The following ELAPOR2 variants were observed in gnomAD, a reference collection of about 807,000 sequenced individuals.
The protein encoded by ELAPOR2 is endosome-lysosome associated apoptosis and autophagy regulator family member 2.
Under a neutral mutation model 120.7 loss-of-function variants are expected in ELAPOR2, and 89 were observed. The ratio of observed to expected loss-of-function variants is 0.74; its 90% CI spans 0.62 to 0.88. The LOEUF is 0.88. Among genes scored for constraint, ELAPOR2 ranks in the 40% least tolerant of loss-of-function variants. ELAPOR2 has a pLI of 0.00. For synonymous variants in ELAPOR2, 444 were observed against 444.9 expected (o/e 1.00, Z 0.03); for missense variants, 1,134 against 1,251.6 (o/e 0.91, Z 1.42).
At chr7:87,007,443 A>C (rs1793520144) in intron 1 of ELAPOR2, among the ~76,000 whole-genome samples, 1 of 152,214 alleles carries the variant, frequency 6.6e-6, no homozygotes, top group African/African-American at 2.4e-5. Context: ...ACAAACTTGT[A>C]GTTTTTAATA....
At chr7:86,925,918 A>G (rs754112489) in intron 9 of ELAPOR2, among the ~76,000 whole-genome samples, 12 of 152,016 alleles carry the variant, frequency 7.9e-5, no homozygotes, top group South Asian at 2.1e-4. Flanking sequence ...TTTAAAAATA[A>G]TTTTTTCCTT....
chr7:86,947,569 C>T (rs1377115244), intron 3 of ELAPOR2, among the ~76,000 whole-genome samples, 158 bp downstream of exon 3: 1 of 152,184 alleles, frequency 6.6e-6, no homozygotes, highest in African/African-American at 2.4e-5. Context: ...CTCATGAAAA[C>T]TCATTGCAAT....
At chr7:87,037,868 T>G (rs1315786605) in intron 1 of ELAPOR2, among the ~76,000 whole-genome samples, 1 of 152,200 alleles carries the variant, frequency 6.6e-6, no homozygotes, top group Non-Finnish European at 1.5e-5. Flanking sequence ...TATAAATCCT[T>G]CCAAACTCAG....
chr7:86,917,081 C>G (rs1426876210), intron 12 of ELAPOR2, among the ~76,000 whole-genome samples: 1 of 143,534 alleles, frequency 7.0e-6, no homozygotes, highest in Non-Finnish European at 1.5e-5. Context: ...GCTGGGATTA[C>G]AGAACTGAGC....
chr7:86,977,402 G>A (rs1393832448), intron 1 of ELAPOR2, among the ~76,000 whole-genome samples: 1 of 152,122 alleles, frequency 6.6e-6, no homozygotes, highest in Admixed American at 6.6e-5. Context: ...AAAAGCTGAT[G>A]CCTCATTATT....
At chr7:87,036,769 C>A (rs1186739862) in intron 1 of ELAPOR2, among the ~76,000 whole-genome samples, 1 of 152,062 alleles carries the variant, frequency 6.6e-6, no homozygotes, top group East Asian at 1.9e-4. Flanking sequence ...ACAATAGACA[C>A]TACAGACTAT....
intron 1 of ELAPOR2, among the ~76,000 whole-genome samples, chr7:87,015,420 CTA>C (rs1442343417): frequency 2.0e-5 from 3 of 152,162 alleles, no homozygotes; most frequent in African/African-American, 7.2e-5. Flanking sequence ...CAAATATAAA[CTA>C]TTTTTAATTC....
At chr7:87,020,543 T>C (rs1794005343) in intron 1 of ELAPOR2, among the ~76,000 whole-genome samples, 1 of 152,130 alleles carries the variant, frequency 6.6e-6, no homozygotes, top group Non-Finnish European at 1.5e-5. Flanking sequence ...CAGAATTACA[T>C]TTATATGTAA....
intron 1 of ELAPOR2, among the ~76,000 whole-genome samples, chr7:87,054,951 A>G (rs1245288283): frequency 6.6e-6 from 1 of 152,144 alleles, no homozygotes; most frequent in Admixed American, 6.5e-5. Flanking sequence ...CTTCTTTACC[A>G]GCCATTGCTA....
intron 8 of ELAPOR2, among the ~76,000 whole-genome samples, chr7:86,930,383 A>G (rs1299128226): frequency 6.6e-6 from 1 of 151,988 alleles, no homozygotes; most frequent in African/African-American, 2.4e-5. Flanking sequence ...ATTAAGAAAC[A>G]TAAGCTCTAA....
At chr7:86,907,595 A>G (rs1789082059) in intron 18 of ELAPOR2, 75 bp downstream of exon 18, 1 of 914,074 alleles carries the variant, frequency 1.1e-6, no homozygotes. Context: ...CATAGAGAAT[A>G]TGTTTTAAAA....
intron 18 of ELAPOR2, among the ~76,000 whole-genome samples, chr7:86,901,653 G>C (rs959109835): frequency 1.3e-4 from 20 of 152,152 alleles, no homozygotes; most frequent in Non-Finnish European, 7.3e-5. Context: ...GAAGGGAAAG[G>C]CCACAGTTTT....
At chr7:86,931,237 A>G (rs535566591) in intron 8 of ELAPOR2, among the ~76,000 whole-genome samples, 12 of 151,788 alleles carry the variant, frequency 7.9e-5, no homozygotes, top group East Asian at 5.8e-4. Context: ...ATACACATAT[A>G]TATACACACA....
intron 1 of ELAPOR2, among the ~76,000 whole-genome samples, chr7:87,014,163 C>T (rs115574513): frequency 0.016 from 2,432 of 151,412 alleles, 73 homozygotes; most frequent in African/African-American, 0.056. Flanking sequence ...GTATGAGTTA[C>T]GGTGCTGTTG....
At chr7:86,943,846 T>C (rs1790896340) in intron 4 of ELAPOR2, among the ~76,000 whole-genome samples, 1 of 152,072 alleles carries the variant, frequency 6.6e-6, no homozygotes. Context: ...CAAAAGATAT[T>C]AGTACTAGGA....
At chr7:87,000,045 TC>T (rs1488355581) in intron 1 of ELAPOR2, among the ~76,000 whole-genome samples, 1 of 152,052 alleles carries the variant, frequency 6.6e-6, no homozygotes, top group African/African-American at 2.4e-5. Context: ...CACCTTACTG[TC>T]CATAACCAAA....
At chr7:86,926,941 A>G in intron 8 of ELAPOR2, 25 bp from the exon 9 acceptor site, 13 of 1,422,854 alleles carry the variant, frequency 9.1e-6, no homozygotes, top group Non-Finnish European at 1.2e-5. Context: ...AAAAAAAAAA[A>G]GCAACCAAGT....
At chr7:86,953,974 T>A (rs966140225) in intron 2 of ELAPOR2, among the ~76,000 whole-genome samples, 2 of 152,216 alleles carry the variant, frequency 1.3e-5, no homozygotes, top group Non-Finnish European at 2.9e-5. Flanking sequence ...TTATGCCTCT[T>A]CTTTTCTGAC....
chr7:86,893,270 A>G (rs1223720767), intron 19 of ELAPOR2, among the ~76,000 whole-genome samples, 170 bp from the exon 20 acceptor site: 1 of 152,038 alleles, frequency 6.6e-6, no homozygotes, highest in Non-Finnish European at 1.5e-5. Context: ...ATTTAATAAA[A>G]GCTCCAGAAA....
Sources: allele counts gnomAD v4.1 joint callset (sites outside exome capture counted in the v4.1 genomes callset), GRCh38; gene constraint gnomAD v4.1.1; transcripts MANE v1.5; gene names NCBI Gene and HGNC (gene_info 2026-07-23, HGNC 2026-07-21).